The following HS6ST3 variants were observed in gnomAD, a reference collection of about 807,000 sequenced individuals.
HS6ST3 encodes heparan-sulfate 6-O-sulfotransferase 3.
HS6ST3 carries 12 observed loss-of-function variants against 36.7 expected under a neutral mutation model. The observed-to-expected ratio is 0.33, with a 90% CI of 0.21 to 0.53. The LOEUF is 0.53. Ranked by LOEUF, HS6ST3 falls within the 20% of genes least tolerant of loss-of-function variation. HS6ST3 has a pLI of 0.95. For missense variants in HS6ST3, 584 were observed against 640.9 expected (o/e 0.91, Z 0.96); for synonymous variants, 240 against 257.5 (o/e 0.93, Z 0.65).
At chr13:96,330,423 A>C in intron 1 of HS6ST3, among the ~76,000 whole-genome samples, 1 of 145,724 alleles carries the variant, frequency 6.9e-6, no homozygotes, top group Non-Finnish European at 1.5e-5. Context: ...AAAGTATTTT[A>C]TTTCTCCTTC....
intron 1 of HS6ST3, among the ~76,000 whole-genome samples, chr13:96,612,951 A>G (rs2056461507): frequency 6.6e-6 from 1 of 152,144 alleles, no homozygotes; most frequent in Non-Finnish European, 1.5e-5. Flanking sequence ...CTTCTTCCTC[A>G]GAGCCTTTTC....
intron 1 of HS6ST3, among the ~76,000 whole-genome samples, chr13:96,733,607 T>C (rs1044390727): frequency 1.3e-5 from 2 of 152,236 alleles, no homozygotes; most frequent in African/African-American, 4.8e-5. Flanking sequence ...TTTTGATATT[T>C]GTCAATTTTA....
chr13:96,220,908 C>T (rs1171467259), intron 1 of HS6ST3, among the ~76,000 whole-genome samples: 2 of 152,070 alleles, frequency 1.3e-5, no homozygotes, highest in African/African-American at 4.8e-5. Context: ...TAAGAAATTA[C>T]TCAATTACGC....
At chr13:96,750,522 G>A (rs1488665930) in intron 1 of HS6ST3, among the ~76,000 whole-genome samples, 1 of 152,320 alleles carries the variant, frequency 6.6e-6, no homozygotes, top group East Asian at 1.9e-4. Context: ...CGGGAGGAAT[G>A]TTACTGTGAA....
chr13:96,168,772 T>C (rs540916899), intron 1 of HS6ST3, among the ~76,000 whole-genome samples: 7 of 152,114 alleles, frequency 4.6e-5, no homozygotes, highest in Non-Finnish European at 8.8e-5. Context: ...TTATGTTTAC[T>C]TTTTAATTTT....
At chr13:96,200,328 C>G (rs1222809608) in intron 1 of HS6ST3, among the ~76,000 whole-genome samples, 1 of 152,144 alleles carries the variant, frequency 6.6e-6, no homozygotes, top group African/African-American at 2.4e-5. Flanking sequence ...TATCACTCTC[C>G]CCTACTTTCT....
rs576539347 is a variant in HS6ST3, at chr13:96,151,431, T to C, written c.707+59862T>C. On this transcript the variant is annotated intron_variant, in intron 1 of 1. Transcript: ENST00000376705. The stretch of plus-strand genomic sequence containing the variant: ...AAAAAAAAAAAAAAAAGAGACTGTC[T>C]GGATACAAAATAGTACAAACAATGC... Among the ~76,000 whole-genome samples the C allele has an allele frequency of 1.0e-4, 15 of 148,678 alleles. 1 individual carries two copies. Among genetic ancestry groups the C allele is most frequent in the African/African-American group, 3.7e-4 (15 of 40,694 alleles).
At chr13:96,240,734 C>G (rs991079573) in intron 1 of HS6ST3, among the ~76,000 whole-genome samples, 5 of 152,150 alleles carry the variant, frequency 3.3e-5, no homozygotes, top group Admixed American at 3.3e-4. Context: ...GTACTTTATC[C>G]TAAACCTGGG....
intron 1 of HS6ST3, among the ~76,000 whole-genome samples, chr13:96,232,139 G>C (rs1417544483): frequency 6.6e-6 from 1 of 152,124 alleles, no homozygotes; most frequent in African/African-American, 2.4e-5. Context: ...GAGAAAACTG[G>C]ATTGTTACGA....
chr13:96,596,920 A>C (rs980137582), intron 1 of HS6ST3, among the ~76,000 whole-genome samples: 7 of 152,198 alleles, frequency 4.6e-5, no homozygotes, highest in African/African-American at 1.7e-4. Context: ...TAGCAAAGAC[A>C]TAGATTCAAA....
intron 1 of HS6ST3, among the ~76,000 whole-genome samples, chr13:96,596,109 C>G (rs1404573225): frequency 6.6e-6 from 1 of 152,126 alleles, no homozygotes; most frequent in Non-Finnish European, 1.5e-5. Flanking sequence ...ACCCTCTCCC[C>G]TTGTGAATCT....
At chr13:96,167,580 C>G (rs1488374806) in intron 1 of HS6ST3, among the ~76,000 whole-genome samples, 2 of 152,142 alleles carry the variant, frequency 1.3e-5, no homozygotes, top group African/African-American at 4.8e-5. Context: ...TCTGTCAGGC[C>G]ACTGGGTCAT....
At chr13:96,179,626 C>T (rs1317978755) in intron 1 of HS6ST3, among the ~76,000 whole-genome samples, 2 of 152,210 alleles carry the variant, frequency 1.3e-5, no homozygotes, top group Admixed American at 6.5e-5. Flanking sequence ...GGCCAACATG[C>T]GGGAGACTAT....
At chr13:96,402,969 A>G (rs1307836003) in intron 1 of HS6ST3, among the ~76,000 whole-genome samples, 1 of 152,202 alleles carries the variant, frequency 6.6e-6, no homozygotes, top group Non-Finnish European at 1.5e-5. Flanking sequence ...TTTGAAAGAA[A>G]CAGTATAACA....
chr13:96,550,145 T>A (rs1017129124), intron 1 of HS6ST3, among the ~76,000 whole-genome samples: 2 of 152,190 alleles, frequency 1.3e-5, no homozygotes, highest in African/African-American at 4.8e-5. Context: ...GCATGTTATG[T>A]GACCTTTAAT....
intron 1 of HS6ST3, among the ~76,000 whole-genome samples, chr13:96,263,794 C>A (rs1196596246): frequency 6.6e-6 from 1 of 152,242 alleles, no homozygotes; most frequent in Non-Finnish European, 1.5e-5. Context: ...AGAGCAGCCA[C>A]TGACCTAGGT....
At chr13:96,792,419 T>C (rs180805320) in intron 1 of HS6ST3, among the ~76,000 whole-genome samples, 1 of 152,122 alleles carries the variant, frequency 6.6e-6, no homozygotes, top group Admixed American at 6.6e-5. Flanking sequence ...GAACACGTCC[T>C]ATTTTTCTCA....
intron 1 of HS6ST3, among the ~76,000 whole-genome samples, chr13:96,672,520 G>A (rs1268629591): frequency 6.6e-6 from 1 of 152,062 alleles, no homozygotes; most frequent in Non-Finnish European, 1.5e-5. Context: ...CTATTTCATA[G>A]TGATATCCTG....
intron 1 of HS6ST3, among the ~76,000 whole-genome samples, chr13:96,437,060 T>A (rs1159934239): frequency 6.6e-6 from 1 of 152,182 alleles, no homozygotes; most frequent in Non-Finnish European, 1.5e-5. Flanking sequence ...AAGGCTGTAG[T>A]AGCTACCAAA....
Sources: gnomAD v4.1 joint callset for allele counts (sites outside exome capture counted in the v4.1 genomes callset) on GRCh38, gnomAD v4.1.1 for gene constraint, MANE v1.5 for transcripts, NCBI Gene and HGNC (gene_info 2026-07-23, HGNC 2026-07-21) for gene names.